Variants in NCOA1 observed in about 807,000 individuals in gnomAD.
NCOA1 encodes the protein nuclear receptor coactivator 1, also known as Hin-2 protein.
In NCOA1, 35 loss-of-function variants were observed where a neutral mutation model predicts 150.9. That is an observed-to-expected ratio of 0.23 (90% CI 0.18 to 0.31). The LOEUF (loss-of-function observed/expected upper bound fraction) is 0.31, where lower values mean the gene tolerates loss of function less well. NCOA1 is among the 10% of genes least tolerant of loss of function. The pLI is 1.00. For synonymous variants in NCOA1, 590 were observed against 630.0 expected (o/e 0.94, Z 0.95); for missense variants, 1,491 against 1,749.3 (o/e 0.85, Z 2.63).
intron 17 of NCOA1, among the ~76,000 whole-genome samples, chr2:24,733,110 G>T (rs1453574156): frequency 1.3e-5 from 2 of 152,196 alleles, no homozygotes; most frequent in Non-Finnish European, 2.9e-5. Flanking sequence ...CTTCAAGAAA[G>T]AAGGGGAGAG....
At chr2:24,705,724 A>T (rs192289115) in intron 12 of NCOA1, among the ~76,000 whole-genome samples, 221 of 152,276 alleles carry the variant, frequency 1.5e-3, no homozygotes, top group African/African-American at 5.2e-3. Flanking sequence ...ACACTGATAT[A>T]TGGTAAATTC....
chr2:24,552,597 C>T (rs1665905428), intron 1 of NCOA1, among the ~76,000 whole-genome samples: 1 of 151,536 alleles, frequency 6.6e-6, no homozygotes, highest in South Asian at 2.1e-4. Context: ...GATCTCCTGA[C>T]CTCGTCATCT....
At chr2:24,517,287 C>T (rs755474787) in intron 1 of NCOA1, among the ~76,000 whole-genome samples, 3 of 151,448 alleles carry the variant, frequency 2.0e-5, no homozygotes, top group Non-Finnish European at 4.4e-5. Flanking sequence ...TCTCTCCTTC[C>T]GTTCTGTGTG....
chr2:24,564,696 T>C (rs925107494), intron 2 of NCOA1: 1 of 152,184 alleles, frequency 6.6e-6, no homozygotes, highest in Non-Finnish European at 1.5e-5. Context: ...GACTGTGCTT[T>C]GCTTTTGAGA....
chr2:24,685,110 T>A (rs1672342672), intron 8 of NCOA1, among the ~76,000 whole-genome samples: 2 of 152,090 alleles, frequency 1.3e-5, no homozygotes, highest in African/African-American at 4.8e-5. Flanking sequence ...ATATATATAT[T>A]CACCTTATAT....
rs141956268 is a variant in NCOA1, at chr2:24,630,427, C to T, written c.-174-13539C>T. Among the ~76,000 whole-genome samples the T allele has an allele frequency of 3.9e-3, 588 of 152,276 alleles. 1 individual carries two copies. The highest frequency in any genetic ancestry group is 7.5e-3 in the Admixed American group (115 of 15,300). ...TATACCAGATTCTATTATTGATGGGCATTTGAGCTGTTCCTATTTTTTGCT... is the reference window on the plus strand; with the variant it reads ...TATACCAGATTCTATTATTGATGGGTATTTGAGCTGTTCCTATTTTTTGCT... On this transcript the variant is annotated intron_variant, in intron 3 of 22. Coordinates refer to ENST00000348332, the MANE Select transcript of NCOA1 (RefSeq NM_003743.5).
chr2:24,525,148 T>C (rs749267535), intron 1 of NCOA1, among the ~76,000 whole-genome samples: 7 of 152,204 alleles, frequency 4.6e-5, no homozygotes, highest in Non-Finnish European at 8.8e-5. Context: ...GATGGTACTT[T>C]AGGCAGTGGC....
At chr2:24,697,837 T>C in intron 11 of NCOA1, 39 bp downstream of exon 11, 1 of 1,566,776 alleles carries the variant, frequency 6.4e-7, no homozygotes, top group South Asian at 1.1e-5. Context: ...TTAACCCTTA[T>C]CTTTACTGAT....
rs1347003790 is a variant in NCOA1 at position 24,761,884 on chromosome 2, T to TG, written c.4066-797dup. Among the ~76,000 whole-genome samples, 3 of 152,352 alleles carry TG rather than the reference T, an allele frequency of 2.0e-5. No homozygotes were observed. The South Asian group carries it at 6.2e-4, about 32-fold the overall frequency. On this transcript the variant is annotated intron_variant, in intron 21 of 22. Transcript: ENST00000348332. ...ACATGAATTACGATGTTTTCCACTC[T>TG]GGGGGGTGAAATCAGGGCTTATTCC...
At position 24,729,693 on chromosome 2, in the gene NCOA1, C is replaced by T. The variant is rs1174896995; in HGVS notation, c.3079C>T (p.Pro1027Ser). ...SLGTMPVQVT[P>S]PRGAFSPGMG... ...GGGGACGATGCCTGTTCAAGTAACA[C>T]CTCCCCGAGGTGCTTTTTCACCTGG... The change falls in exon 17 of 23, where the codon CCT becomes TCT. Residue 1027 changes from proline to serine, a missense_variant. Coordinates refer to ENST00000348332, the MANE Select transcript of NCOA1 (RefSeq NM_003743.5). 6.2e-7 allele frequency: 1 copy of T among 1,614,190 alleles called. No individual in the cohort carries two copies. The highest frequency in any genetic ancestry group is 1.1e-5 in the South Asian group (1 of 91,078).
intron 7 of NCOA1, among the ~76,000 whole-genome samples, chr2:24,678,451 G>A (rs563780627): frequency 6.6e-6 from 1 of 152,256 alleles, no homozygotes; most frequent in African/African-American, 2.4e-5. Context: ...CTAAATCTTT[G>A]AGGAATCACC....
intron 1 of NCOA1, among the ~76,000 whole-genome samples, chr2:24,533,191 G>C (rs62142272): frequency 0.15 from 22,439 of 152,068 alleles, 1,991 homozygotes; most frequent in Non-Finnish European, 0.2. Context: ...TGGATTCCTA[G>C]GTATTTTATT....
At chr2:24,715,180 C>G (rs1220673819) in intron 14 of NCOA1, among the ~76,000 whole-genome samples, 4 of 151,958 alleles carry the variant, frequency 2.6e-5, no homozygotes, top group African/African-American at 9.7e-5. Flanking sequence ...AAAATGAATC[C>G]AGATGGAAAC....
At chr2:24,546,228 T>G (rs1307761299) in intron 1 of NCOA1, among the ~76,000 whole-genome samples, 2 of 151,738 alleles carry the variant, frequency 1.3e-5, no homozygotes, top group Non-Finnish European at 2.9e-5. Context: ...AAAGCTCACT[T>G]AATGCAAAAA....
chr2:24,546,484 T>G (rs1665610448), intron 1 of NCOA1, among the ~76,000 whole-genome samples: 1 of 152,230 alleles, frequency 6.6e-6, no homozygotes, highest in Non-Finnish European at 1.5e-5. Context: ...GAAACTATAG[T>G]CCTAGGTTCA....
At chr2:24,556,639 A>G (rs1666085572) in intron 1 of NCOA1, among the ~76,000 whole-genome samples, 1 of 152,170 alleles carries the variant, frequency 6.6e-6, no homozygotes, top group South Asian at 2.1e-4. Context: ...GCTCAACATC[A>G]CTGGTCATTA....
intron 11 of NCOA1, among the ~76,000 whole-genome samples, chr2:24,702,507 A>G (rs1350330411): frequency 1.3e-5 from 2 of 152,156 alleles, no homozygotes; most frequent in Admixed American, 6.5e-5. Flanking sequence ...CAAAAACCCA[A>G]AAACTTTGCT....
intron 3 of NCOA1, among the ~76,000 whole-genome samples, chr2:24,603,345 G>A (rs1208066018): frequency 6.6e-6 from 1 of 152,194 alleles, no homozygotes; most frequent in African/African-American, 2.4e-5. Flanking sequence ...TGGAATGCTT[G>A]TGGCAATTTC....
At chr2:24,703,034 TG>T (rs1673238125) in intron 11 of NCOA1, among the ~76,000 whole-genome samples, 1 of 152,182 alleles carries the variant, frequency 6.6e-6, no homozygotes, top group South Asian at 2.1e-4. Context: ...GCGTATTTGT[TG>T]GGTTTTTTTC....
Sources: gnomAD v4.1 joint callset for allele counts (sites outside exome capture counted in the v4.1 genomes callset) on GRCh38, gnomAD v4.1.1 for gene constraint, MANE v1.5 for transcripts, NCBI Gene and HGNC (gene_info 2026-07-23, HGNC 2026-07-21) for gene names.